The following CDYL variants were observed in gnomAD, a reference collection of about 807,000 sequenced individuals.
CDYL encodes chromodomain Y like.
In CDYL, 8 loss-of-function variants were observed where a neutral mutation model predicts 47.3. That is an observed-to-expected ratio of 0.17 (90% CI 0.10 to 0.31). CDYL has a LOEUF of 0.31. Among genes scored for constraint, CDYL ranks in the 10% least tolerant of loss-of-function variants. The pLI is 1.00. For synonymous variants in CDYL, 266 were observed against 265.0 expected (o/e 1.00, Z -0.04); for missense variants, 471 against 701.4 (o/e 0.67, Z 3.71).
At chr6:4,896,875 A>C (rs1762298683) in intron 2 of CDYL, among the ~76,000 whole-genome samples, 1 of 152,230 alleles carries the variant, frequency 6.6e-6, no homozygotes, top group Non-Finnish European at 1.5e-5. Context: ...CAGATATTTG[A>C]ATATCTGTGA....
At chr6:4,822,295 G>A (rs1759863237) in intron 1 of CDYL, among the ~76,000 whole-genome samples, 1 of 152,026 alleles carries the variant, frequency 6.6e-6, no homozygotes, top group Non-Finnish European at 1.5e-5. Flanking sequence ...CACTGTGCCC[G>A]GCAAAATCAG....
chr6:4,910,140 C>T (rs1414191505), intron 2 of CDYL, among the ~76,000 whole-genome samples: 1 of 152,036 alleles, frequency 6.6e-6, no homozygotes, highest in African/African-American at 2.4e-5. Context: ...TAAAACATAG[C>T]GCTCAGCCAC....
rs191521663 is a variant in CDYL, at chr6:4,934,676, C to A, written c.692-839C>A. On this transcript the variant is annotated intron_variant, in intron 2 of 6. Transcript: ENST00000397588. ...AGACAGGAGGATAATTATTTGCATT[C>A]TTAACCAGGCACAGTGGTTCATGCC... 2.0e-4 allele frequency among the ~76,000 whole-genome samples: 31 copies of A among 152,262 alleles called. 1 individual carries two copies. The highest frequency in any genetic ancestry group is 1.7e-3 in the Admixed American group (26 of 15,302).
intron 2 of CDYL, among the ~76,000 whole-genome samples, chr6:4,716,229 A>T (rs1757258339): frequency 6.7e-6 from 1 of 148,460 alleles, no homozygotes; most frequent in Non-Finnish European, 1.5e-5. Flanking sequence ...AGCCTGGGTG[A>T]CAGCAAGACT....
At chr6:4,816,325 T>C (rs867651037) in intron 1 of CDYL, among the ~76,000 whole-genome samples, 13 of 151,956 alleles carry the variant, frequency 8.6e-5, no homozygotes, top group South Asian at 4.2e-4. Flanking sequence ...TTATTTTGGA[T>C]TTTGTAAGTA....
At chr6:4,943,274 T>C (rs529169988) in intron 4 of CDYL, among the ~76,000 whole-genome samples, 1 of 152,270 alleles carries the variant, frequency 6.6e-6, no homozygotes, top group South Asian at 2.1e-4. Flanking sequence ...CAAATTCCAG[T>C]GCAGCTCATG....
intron 1 of CDYL, among the ~76,000 whole-genome samples, chr6:4,854,963 G>A (rs143437408): frequency 5.9e-5 from 9 of 152,272 alleles, no homozygotes; most frequent in African/African-American, 1.7e-4. Flanking sequence ...AGTTCAACCC[G>A]ATCCGGTTAT....
chr6:4,767,260 A>T (rs1032570034), intron 3 of CDYL, among the ~76,000 whole-genome samples: 1 of 90,832 alleles, frequency 1.1e-5, no homozygotes, highest in Non-Finnish European at 1.9e-5. Flanking sequence ...CATTCATGAT[A>T]AAAAAAAAAA....
chr6:4,797,521 C>T (rs1448553352), intron 1 of CDYL, among the ~76,000 whole-genome samples: 1 of 151,350 alleles, frequency 6.6e-6, no homozygotes, highest in Non-Finnish European at 1.5e-5. Flanking sequence ...CAAAGTTGTA[C>T]AGCCGCCGCC....
At chr6:4,880,052 C>G (rs1475359173) in intron 1 of CDYL, among the ~76,000 whole-genome samples, 1 of 152,050 alleles carries the variant, frequency 6.6e-6, no homozygotes, top group Admixed American at 6.6e-5. Flanking sequence ...GTCATCACCC[C>G]AAGTCCTTAG....
At chr6:4,741,578 G>A (rs561710621) in intron 3 of CDYL, among the ~76,000 whole-genome samples, 1 of 152,100 alleles carries the variant, frequency 6.6e-6, no homozygotes, top group Admixed American at 6.6e-5. Flanking sequence ...AAATCAGCAG[G>A]AAGGAGAAGG....
chr6:4,927,472 G>A (rs1259177189), intron 2 of CDYL, among the ~76,000 whole-genome samples: 2 of 109,732 alleles, frequency 1.8e-5, no homozygotes, highest in Admixed American at 8.9e-5. Flanking sequence ...TTTTGAGACG[G>A]AGTCTCACTC....
At chr6:4,876,609 G>A (rs1202028262) in intron 1 of CDYL, among the ~76,000 whole-genome samples, 1 of 152,134 alleles carries the variant, frequency 6.6e-6, no homozygotes, top group Admixed American at 6.5e-5. Context: ...TAATTGATAA[G>A]TAAAATATTC....
At chr6:4,905,034 C>T (rs898010326) in intron 2 of CDYL, among the ~76,000 whole-genome samples, 2 of 152,142 alleles carry the variant, frequency 1.3e-5, no homozygotes, top group African/African-American at 2.4e-5. Context: ...CGACCACTGC[C>T]CCAGACGGCC....
At chr6:4,876,971 A>G (rs1181179044) in intron 1 of CDYL, among the ~76,000 whole-genome samples, 1 of 152,230 alleles carries the variant, frequency 6.6e-6, no homozygotes, top group Non-Finnish European at 1.5e-5. Context: ...CCCTTAATAA[A>G]GAGGCCCAAG....
At chr6:4,913,668 C>T (rs888379429) in intron 2 of CDYL, among the ~76,000 whole-genome samples, 1 of 152,206 alleles carries the variant, frequency 6.6e-6, no homozygotes, top group African/African-American at 2.4e-5. Context: ...TTATACTGGA[C>T]AAAAGAGGAC....
intron 1 of CDYL, among the ~76,000 whole-genome samples, chr6:4,854,066 C>T (rs1020057399): frequency 6.6e-6 from 1 of 152,198 alleles, no homozygotes; most frequent in Non-Finnish European, 1.5e-5. Flanking sequence ...ACACGTGTCC[C>T]TGGGGGTGTA....
chr6:4,791,769 C>G (rs946766063), intron 1 of CDYL, among the ~76,000 whole-genome samples: 5 of 151,720 alleles, frequency 3.3e-5, no homozygotes, highest in African/African-American at 1.2e-4. Flanking sequence ...CCACAGAAGA[C>G]CATTCTGGAC....
chr6:4,769,552 G>A (rs894823589), intron 3 of CDYL, among the ~76,000 whole-genome samples: 2 of 152,164 alleles, frequency 1.3e-5, no homozygotes, highest in East Asian at 1.9e-4. Context: ...TAAAGCAATT[G>A]CGTAAAAGTC....
Sources: allele counts gnomAD v4.1 joint callset (sites outside exome capture counted in the v4.1 genomes callset), GRCh38; gene constraint gnomAD v4.1.1; transcripts MANE v1.5; gene names NCBI Gene and HGNC (gene_info 2026-07-23, HGNC 2026-07-21).